NKAIN2: variants seen among roughly 807,000 people sequenced by gnomAD.
NKAIN2 encodes sodium/potassium-transporting ATPase subunit beta-1-interacting protein 2.
A neutral mutation model predicts 32.6 loss-of-function variants in NKAIN2; 14 were observed. The ratio of observed to expected loss-of-function variants is 0.43; its 90% CI spans 0.28 to 0.67. The LOEUF is 0.67. Ranked by LOEUF, NKAIN2 falls within the 30% of genes least tolerant of loss-of-function variation. NKAIN2 has a pLI of 0.17. For synonymous variants in NKAIN2, 80 were observed against 87.2 expected, an observed-to-expected ratio of 0.92 and a Z score of 0.46; for missense variants, 198 against 258.3, an observed-to-expected ratio of 0.77 and a Z score of 1.60.
chr6:124,304,005 C>T (rs1796407756), intron 2 of NKAIN2, among the ~76,000 whole-genome samples: 1 of 152,118 alleles, frequency 6.6e-6, no homozygotes, highest in African/African-American at 2.4e-5. Flanking sequence ...GAAAGGCAAA[C>T]CAAGTTTTGG....
rs77395410 is a variant in NKAIN2, at chr6:124,484,312, A to G, written c.273+128965A>G. ...TGAACTTGGGGTTCAACAACCTTGA[A>G]CTGAGATTATTTTGAAGATTCATCT... is the stretch of plus-strand genomic sequence containing the variant. On this transcript the variant is annotated intron_variant, in intron 3 of 6. Transcript: ENST00000368417. Among the ~76,000 whole-genome samples, 722 of 152,248 alleles carry G rather than the reference A, an allele frequency of 4.7e-3. 28 individuals carry two copies. The East Asian group carries it at 0.08, about 17-fold the overall frequency.
intron 4 of NKAIN2, among the ~76,000 whole-genome samples, chr6:124,747,719 T>C (rs1281872337): frequency 6.6e-6 from 1 of 151,678 alleles, no homozygotes; most frequent in Non-Finnish European, 1.5e-5. Flanking sequence ...CTCCAAAGAA[T>C]TGGGCCCACA....
intron 1 of NKAIN2, among the ~76,000 whole-genome samples, chr6:124,211,604 T>C (rs1439017794): frequency 6.6e-6 from 1 of 151,996 alleles, no homozygotes; most frequent in African/African-American, 2.4e-5. Context: ...CACCTACCTA[T>C]ATTACTAAGG....
intron 4 of NKAIN2, among the ~76,000 whole-genome samples, chr6:124,719,817 C>T (rs1396610756): frequency 1.3e-5 from 2 of 151,762 alleles, no homozygotes; most frequent in Non-Finnish European, 2.9e-5. Context: ...TGGAACTTTT[C>T]TCCTATGGTT....
At chr6:124,726,262 GACAA>G (rs58179890) in intron 4 of NKAIN2, among the ~76,000 whole-genome samples, 3 of 28,986 alleles carry the variant, frequency 1.0e-4, no homozygotes, top group South Asian at 2.6e-3. Flanking sequence ...GCAGGGCACA[GACAA>G]ACAAAAAGAC....
intron 1 of NKAIN2, among the ~76,000 whole-genome samples, chr6:124,087,639 T>G (rs969928145): frequency 2.0e-5 from 3 of 151,920 alleles, no homozygotes; most frequent in Non-Finnish European, 4.4e-5. Flanking sequence ...GAACTCTGGT[T>G]TTTGTTCAGT....
At chr6:124,341,677 T>C (rs977451166) in intron 2 of NKAIN2, among the ~76,000 whole-genome samples, 17 of 152,238 alleles carry the variant, frequency 1.1e-4, no homozygotes, top group Admixed American at 1.3e-4. Context: ...ATCTGCAGCA[T>C]AATCTATGAT....
In NKAIN2 at chr6:124,658,521, A is replaced by G. The variant is rs1784627746; in HGVS notation, c.474+135A>G. 16 of 1,498,246 alleles carry G rather than the reference A, an allele frequency of 1.1e-5. No homozygotes were observed. The African/African-American group carries it at 1.5e-4, about 14-fold the overall frequency. The allele number at this position is 1,498,246 out of a possible 1,614,324, so 92.8% of individuals were successfully genotyped here. A position where few individuals can be genotyped will look rare whatever the true frequency, so the allele number is the denominator to read the frequency against. On this transcript the variant is annotated intron_variant, in intron 4 of 6. Transcript: ENST00000368417. Reference sequence around the variant, plus strand: ...TTTTTCCTCATTAATGCGACTTTTAACAGGAAATCCTCAGGTTAAACTAAA... The same window carrying G: ...TTTTTCCTCATTAATGCGACTTTTAGCAGGAAATCCTCAGGTTAAACTAAA...
At chr6:124,278,649 T>C (rs1407143200) in intron 1 of NKAIN2, among the ~76,000 whole-genome samples, 2 of 49,692 alleles carry the variant, frequency 4.0e-5, no homozygotes, top group African/African-American at 8.0e-5. Context: ...TATACATAGC[T>C]CATATATATA....
intron 4 of NKAIN2, among the ~76,000 whole-genome samples, chr6:124,702,273 A>G (rs1774829622): frequency 6.6e-6 from 1 of 152,100 alleles, no homozygotes; most frequent in African/African-American, 2.4e-5. Context: ...TTTCATGAAA[A>G]TGCCAACCTT....
intron 1 of NKAIN2, among the ~76,000 whole-genome samples, chr6:124,238,145 G>T (rs372924148): frequency 6.6e-6 from 1 of 151,918 alleles, no homozygotes; most frequent in Admixed American, 6.6e-5. Flanking sequence ...GACATCTGAG[G>T]GGGTAGATGG....
chr6:124,495,657 G>A (rs1479745523), intron 3 of NKAIN2, among the ~76,000 whole-genome samples: 3 of 152,048 alleles, frequency 2.0e-5, no homozygotes, highest in African/African-American at 7.2e-5. Flanking sequence ...TTTACACTAA[G>A]ACATTATACT....
At chr6:124,094,750 G>T (rs370578011) in intron 1 of NKAIN2, among the ~76,000 whole-genome samples, 3 of 152,010 alleles carry the variant, frequency 2.0e-5, no homozygotes, top group Non-Finnish European at 4.4e-5. Flanking sequence ...AGTTAAGGGC[G>T]CAATTTCTAA....
intron 4 of NKAIN2, among the ~76,000 whole-genome samples, chr6:124,754,960 C>G (rs977524263): frequency 6.6e-6 from 1 of 151,988 alleles, no homozygotes; most frequent in Non-Finnish European, 1.5e-5. Context: ...TCCAGAGGGA[C>G]AGAACTAATA....
chr6:124,241,502 G>T (rs1793091884), intron 1 of NKAIN2, among the ~76,000 whole-genome samples: 1 of 152,072 alleles, frequency 6.6e-6, no homozygotes, highest in Non-Finnish European at 1.5e-5. Flanking sequence ...ATAATATAAG[G>T]CAACAGTAAC....
intron 4 of NKAIN2, among the ~76,000 whole-genome samples, chr6:124,672,969 T>C (rs1185914054): frequency 6.6e-6 from 1 of 152,076 alleles, no homozygotes; most frequent in Non-Finnish European, 1.5e-5. Context: ...ATGCACATTG[T>C]TGTAAAGCAG....
intron 2 of NKAIN2, among the ~76,000 whole-genome samples, chr6:124,324,120 G>A (rs1797322154): frequency 6.6e-6 from 1 of 152,054 alleles, no homozygotes; most frequent in Non-Finnish European, 1.5e-5. Context: ...AAATTGTACA[G>A]TAATTTTATC....
intron 4 of NKAIN2, among the ~76,000 whole-genome samples, chr6:124,759,655 A>ACACACACACC (rs1562367638): frequency 1.9e-5 from 1 of 53,078 alleles, no homozygotes; most frequent in African/African-American, 5.7e-5. Flanking sequence ...ACACACACAC[A>ACACACACACC]CCCCCTATCT....
At chr6:124,494,327 G>GT (rs1179718749) in intron 3 of NKAIN2, among the ~76,000 whole-genome samples, 9 of 152,046 alleles carry the variant, frequency 5.9e-5, no homozygotes, top group African/African-American at 2.2e-4. Flanking sequence ...CCAAGAGTGA[G>GT]TTTTTTAAAA....
Sources: gnomAD v4.1 joint callset for allele counts (sites outside exome capture counted in the v4.1 genomes callset) on GRCh38, gnomAD v4.1.1 for gene constraint, MANE v1.5 for transcripts, NCBI Gene and HGNC (gene_info 2026-07-23, HGNC 2026-07-21) for gene names.